Variants in KDM3B observed in about 807,000 individuals in gnomAD.
KDM3B encodes lysine demethylase 3B, also known as lysine-specific demethylase 3B.
Under a neutral mutation model 170.0 loss-of-function variants are expected in KDM3B, and 10 were observed. The ratio of observed to expected loss-of-function variants is 0.06; its 90% CI spans 0.04 to 0.10. The LOEUF (loss-of-function observed/expected upper bound fraction) is 0.10. KDM3B is among the 10% of genes least tolerant of loss of function. KDM3B has a pLI of 1.00. For synonymous variants in KDM3B, 831 were observed against 834.8 expected (o/e 1.00, Z 0.08); for missense variants, 1,394 against 2,195.2 (o/e 0.64, Z 7.29).
chr5:138,414,811 G>A (rs1459928868), intron 11 of KDM3B, among the ~76,000 whole-genome samples: 2 of 152,156 alleles, frequency 1.3e-5, no homozygotes, highest in Non-Finnish European at 2.9e-5. Context: ...ACAAACATTA[G>A]TTGGGGGTGA....
intron 4 of KDM3B, among the ~76,000 whole-genome samples, chr5:138,378,806 TATATATATAG>T (rs982588563): frequency 9.4e-5 from 14 of 149,024 alleles, no homozygotes; most frequent in Non-Finnish European, 1.3e-4. Context: ...TATCATGATA[TATATATATAG>T]ATATATATAG....
chr5:138,362,455 A>AT (rs992787320), intron 1 of KDM3B, among the ~76,000 whole-genome samples: 7 of 149,858 alleles, frequency 4.7e-5, no homozygotes, highest in African/African-American at 1.2e-4. Flanking sequence ...GGGCCCATTG[A>AT]TTTTTTTTTC....
chr5:138,375,770 G>A (rs1000803502), intron 3 of KDM3B, among the ~76,000 whole-genome samples: 13 of 150,610 alleles, frequency 8.6e-5, no homozygotes, highest in African/African-American at 3.2e-4. Context: ...TCTGCCTCCT[G>A]GATTCAAGCA....
At position 138,352,914 on chromosome 5, in the gene KDM3B, C is replaced by G; in HGVS notation, c.119C>G (p.Pro40Arg). ...AAAAASGDPG[P>R]ALRTRAWRAG... ...GCAGCGGCGAGCGGAGATCCGGGGC[C>G]TGCGCTGCGCACTCGAGCCTGGCGG... Residue 40 changes from proline (P) to arginine (R), a missense_variant, in exon 1 of 24, where the codon CCT becomes CGT. Physicochemically the swap from Pro to Arg is moderately radical, Grantham distance 103. Coordinates refer to ENST00000314358, the MANE Select transcript of KDM3B (RefSeq NM_016604.4). 7.4e-7 allele frequency: 1 copy of G among 1,357,578 alleles called. No individual in the cohort carries two copies. Among genetic ancestry groups the G allele is most frequent in the Non-Finnish European group, 9.5e-7 (1 of 1,054,400 alleles). The allele number at this position is 1,357,578 out of a possible 1,614,324, so 84.1% of individuals were successfully genotyped here.
chr5:138,411,453 A>G (rs1231366012), intron 11 of KDM3B, among the ~76,000 whole-genome samples: 1 of 152,210 alleles, frequency 6.6e-6, no homozygotes, highest in Admixed American at 6.5e-5. Context: ...TATTTATTAT[A>G]CTGGAACAGC....
At chr5:138,432,515 A>C (rs1763560188) in intron 23 of KDM3B, among the ~76,000 whole-genome samples, 1 of 152,040 alleles carries the variant, frequency 6.6e-6, no homozygotes, top group Non-Finnish European at 1.5e-5. Flanking sequence ...TAAAAATACA[A>C]AAAATTAGCT....
chr5:138,430,375 G>A lies in KDM3B; in HGVS notation c.5020G>A (p.Val1674Met), dbSNP rs767214985. ...EEYGVQGWAI[V>M]QFLGDAVFIP... Reference sequence around the variant, plus strand: ...GTATGGCGTGCAAGGCTGGGCTATTGTGCAGTTCCTAGGTGATGCTGTTTT... The same window carrying A: ...GTATGGCGTGCAAGGCTGGGCTATTATGCAGTTCCTAGGTGATGCTGTTTT... Residue 1674 changes from valine to methionine, a missense_variant, in exon 22 of 24, where the codon GTG becomes ATG. By Grantham distance (21) the Val-to-Met change is conservative. Transcript: ENST00000314358. 6.2e-7 allele frequency: 1 copy of A among 1,614,132 alleles called. No individual in the cohort carries two copies. The highest frequency in any genetic ancestry group is 1.3e-5 in the African/African-American group (1 of 75,024).
rs1227460514 is a variant in KDM3B, at chr5:138,419,243, C to T, written c.3715+11C>T. ...AAGAAGAAACAAAAGGTGAGATGCA[C>T]ACAAACCTCTGCTCTGCCTATGGTA... On this transcript the variant is annotated intron_variant, in intron 14 of 23. Transcript: ENST00000314358. 6.2e-7 allele frequency: 1 copy of T among 1,610,868 alleles called. No individual in the cohort carries two copies.
chr5:138,425,499 T>A lies in KDM3B; in HGVS notation c.4328T>A (p.Val1443Glu). The part of the protein sequence containing the change: ...AFSQEFGDQD[V>E]DLVNCRNCAI... ...AGCCAGGAATTTGGAGACCAGGATGTAGACTTGGTGAACTGCAGGAACTGT... is the reference window on the plus strand; with the variant it reads ...AGCCAGGAATTTGGAGACCAGGATGAAGACTTGGTGAACTGCAGGAACTGT... The change falls in exon 17 of 24, where the codon GTA becomes GAA. Residue 1443 changes from valine (V) to glutamate (E), a missense_variant. Val to Glu is a moderately radical substitution (Grantham distance 121, BLOSUM62 -2). This residue lies in a region of KDM3B where 66 missense variants were observed against 178.8 expected (regional missense o/e 0.37). Transcript: ENST00000314358. 6.2e-7 allele frequency: 1 copy of A among 1,614,160 alleles called. No individual in the cohort carries two copies. The highest frequency in any genetic ancestry group is 8.5e-7 in the Non-Finnish European group (1 of 1,179,998).
At position 138,391,814 on chromosome 5, in the gene KDM3B, C is replaced by A; in HGVS notation, c.2182C>A (p.Pro728Thr). 6.2e-7 allele frequency: 1 copy of A among 1,614,084 alleles called. No individual in the cohort carries two copies. Among genetic ancestry groups the A allele is most frequent in the Non-Finnish European group, 8.5e-7 (1 of 1,180,006 alleles). Residue 728 changes from proline to threonine, a missense_variant, in exon 8 of 24, where the codon CCC becomes ACC. By Grantham distance (38) the Pro-to-Thr change is conservative. Transcript: ENST00000314358. The surrounding 1 kb of genome is among the most constrained non-coding windows in gnomAD (Gnocchi z 5.0). ...CATGGGGAATGGCCGCTCCAGCTCG[C>A]CCACCAGCAGCCTCACTCAGCCCAT... ...SAMGNGRSSSPTSSLTQPIEM... is the reference protein window; with the variant it reads ...SAMGNGRSSSTTSSLTQPIEM...
In KDM3B at chr5:138,391,464, A is replaced by G. The variant is rs771416022; in HGVS notation, c.1832A>G (p.Asn611Ser). The G allele has an allele frequency of 2.5e-6, 4 of 1,614,098 alleles. No individual in the cohort carries two copies. The highest frequency in any genetic ancestry group is 2.7e-5 in the African/African-American group (2 of 75,010). ...LTPAFPRSLL[N>S]ARTPENHENL... ...CCAGCCTTCCCACGGAGCCTCCTAA[A>G]TGCCCGTACCCCAGAGAATCATGAA... is the stretch of plus-strand genomic sequence containing the variant. Residue 611 changes from asparagine (N) to serine (S), a missense_variant, in exon 8 of 24, where the codon AAT becomes AGT. Coordinates refer to ENST00000314358, the MANE Select transcript of KDM3B (RefSeq NM_016604.4). The surrounding 1 kb of genome is among the most constrained non-coding windows in gnomAD (Gnocchi z 5.0).
At chr5:138,420,429 G>T (rs986382200) in intron 14 of KDM3B, among the ~76,000 whole-genome samples, 5 of 152,172 alleles carry the variant, frequency 3.3e-5, no homozygotes, top group Non-Finnish European at 5.9e-5. Flanking sequence ...TTGAAACACT[G>T]TCTTAGGAAG....
intron 2 of KDM3B, chr5:138,374,279 T>G (rs1761941433): frequency 2.3e-6 from 1 of 442,220 alleles, no homozygotes; most frequent in South Asian, 1.6e-5. Context: ...TTGTTGTTGT[T>G]AAGATGGAGT....
chr5:138,413,659 G>A (rs936212901), intron 11 of KDM3B, among the ~76,000 whole-genome samples: 6 of 151,830 alleles, frequency 4.0e-5, no homozygotes, highest in African/African-American at 1.5e-4. Context: ...TTTGAGACAG[G>A]GTCTCTTTCT....
intron 6 of KDM3B, among the ~76,000 whole-genome samples, chr5:138,384,478 T>C (rs1284292008): frequency 6.6e-6 from 1 of 150,754 alleles, no homozygotes; most frequent in African/African-American, 2.4e-5. Context: ...TGGCTCACAC[T>C]TGTAATTCCA....
At position 138,420,655 on chromosome 5, in the gene KDM3B, G is replaced by A. The variant is rs765035305; in HGVS notation, c.3716-51G>A. The A allele has an allele frequency of 5.0e-6, 8 of 1,598,854 alleles. No individual in the cohort carries two copies. The South Asian group carries it at 8.8e-5, about 18-fold the overall frequency. Reference sequence around the variant, plus strand: ...ACTGATTTTTAGGAGTCAGTTGTGTGCTGATTATTCCTTTTTGTACCTAAT... The same window carrying A: ...ACTGATTTTTAGGAGTCAGTTGTGTACTGATTATTCCTTTTTGTACCTAAT... On this transcript the variant is annotated intron_variant, in intron 14 of 23. Coordinates refer to ENST00000314358, the MANE Select transcript of KDM3B (RefSeq NM_016604.4).
In KDM3B at chr5:138,353,020, G is replaced by C. The variant is rs769129254; in HGVS notation, c.192+33G>C. The C allele has an allele frequency of 8.2e-5, 100 of 1,213,494 alleles. No homozygotes were observed. In the African/African-American group the frequency reaches 1.3e-3, roughly 15 times the overall value. 75.2% of individuals were successfully genotyped at this position (1,213,494 alleles called of 1,614,324 possible). On this transcript the variant is annotated intron_variant, in intron 1 of 23. Transcript: ENST00000314358. ...GCGGCCGAGTCGGGCACTCGAGGCC[G>C]GGGCTGCGGGGCCTGCGGGCGGCCT...
intron 10 of KDM3B, among the ~76,000 whole-genome samples, chr5:138,398,887 CTT>C (rs537795731): frequency 5.0e-5 from 6 of 120,132 alleles, no homozygotes; most frequent in Non-Finnish European, 6.9e-5. Flanking sequence ...TCCTAAATTT[CTT>C]TTTTTTTTTT....
intron 1 of KDM3B, among the ~76,000 whole-genome samples, chr5:138,366,825 G>A (rs954630165): frequency 9.2e-5 from 14 of 152,166 alleles, no homozygotes; most frequent in Admixed American, 7.9e-4. Context: ...GCTGCCTAAA[G>A]ATATTCAAAT....
Sources: gnomAD v4.1 joint callset for allele counts (sites outside exome capture counted in the v4.1 genomes callset) on GRCh38, gnomAD v4.1.1 for gene constraint, gnomAD v4.1.1 regional missense constraint, Gnocchi (gnomAD v3.1) non-coding constraint, MANE v1.5 for transcripts, NCBI Gene and HGNC (gene_info 2026-07-23, HGNC 2026-07-21) for gene names.